Variants in YWHAE observed in about 807,000 individuals in gnomAD.
The protein encoded by YWHAE is 14-3-3 protein epsilon.
A neutral mutation model predicts 30.1 loss-of-function variants in YWHAE; 4 were observed. The observed-to-expected ratio is 0.13, with a 90% confidence interval of 0.07 to 0.30. The LOEUF (loss-of-function observed/expected upper bound fraction) is 0.30, where lower values mean the gene tolerates loss of function less well. Ranked by LOEUF, YWHAE falls within the 10% of genes least tolerant of loss-of-function variation. YWHAE has a pLI of 1.00. For synonymous variants in YWHAE, 118 were observed against 111.8 expected (o/e 1.06, Z -0.35); for missense variants, 121 against 315.9 (o/e 0.38, Z 4.68).
At chr17:1,368,204 T>C (rs2072975457) in intron 1 of YWHAE, among the ~76,000 whole-genome samples, 1 of 151,916 alleles carries the variant, frequency 6.6e-6, no homozygotes, top group African/African-American at 2.4e-5. Context: ...CTGACCAGCA[T>C]GGAGAAACTA....
Position 1,345,326 on chromosome 17 carries a change from A to G in YWHAE, c.*121T>C, listed in dbSNP as rs1006984528. The G allele has an allele frequency of 9.5e-6, 10 of 1,051,696 alleles. No individual in the cohort carries two copies. The highest frequency in any genetic ancestry group is 6.7e-5 in the Admixed American group (3 of 44,722). The allele number at this position is 1,051,696 out of a possible 1,614,324, so 65.1% of individuals were successfully genotyped here. The stretch of plus-strand genomic sequence containing the variant: ...AAAAAAACCAACAGGGCAGGAACCT[A>G]AATTCTGAGACCAAATGTAAAAGTC... On this transcript the variant is annotated 3_prime_UTR_variant, in exon 6 of 6. Transcript: ENST00000264335.
intron 1 of YWHAE, among the ~76,000 whole-genome samples, chr17:1,393,390 T>C (rs2073418259): frequency 1.3e-5 from 2 of 151,858 alleles, no homozygotes; most frequent in African/African-American, 2.4e-5. Flanking sequence ...CAGAAATGCA[T>C]AGCATCAGCC....
At chr17:1,387,803 T>TA (rs2150873706) in intron 1 of YWHAE, among the ~76,000 whole-genome samples, 1 of 147,550 alleles carries the variant, frequency 6.8e-6, no homozygotes, top group East Asian at 1.9e-4. Flanking sequence ...TTTGTATATT[T>TA]AGTAGAGACG....
At chr17:1,356,989 G>A (rs1042772187) in intron 4 of YWHAE, among the ~76,000 whole-genome samples, 9 of 151,996 alleles carry the variant, frequency 5.9e-5, no homozygotes, top group African/African-American at 2.2e-4. Context: ...ACCAAAAGGG[G>A]CCGGGCGCGG....
chr17:1,361,333 AT>A (rs780443670), intron 3 of YWHAE, 35 bp from the exon 4 acceptor site: 56 of 1,236,168 alleles, frequency 4.5e-5, no homozygotes, highest in Admixed American at 1.9e-4. Flanking sequence ...AAAAAAAAAA[AT>A]TTAAACTAGG....
chr17:1,371,536 G>T (rs544878568), intron 1 of YWHAE, among the ~76,000 whole-genome samples: 199 of 152,148 alleles, frequency 1.3e-3, no homozygotes, highest in African/African-American at 4.6e-3. Flanking sequence ...TATAAACCAG[G>T]CAGAGTAAAT....
rs202084215 is a variant in YWHAE at position 1,361,318 on chromosome 17, A to T, written c.372-20T>A. 101 of 145,010 alleles carry T rather than the reference A, an allele frequency of 7.0e-4. No individual in the cohort carries two copies. The highest frequency in any genetic ancestry group is 2.3e-3 in the South Asian group (9 of 3,934). 9.0% of individuals were successfully genotyped at this position (145,010 alleles called of 1,614,324 possible). On this transcript the variant is annotated intron_variant, in intron 3 of 5. Coordinates refer to ENST00000264335, the MANE Select transcript of YWHAE (RefSeq NM_006761.5). The stretch of plus-strand genomic sequence containing the variant: ...CCTTTCCTAAAACAAAACCAAAATT[A>T]AAAAAAAAAAAAAAATTTAAACTAG...
At chr17:1,353,763 CAA>C (rs201551828) in intron 5 of YWHAE, among the ~76,000 whole-genome samples, 106,322 of 144,364 alleles carry the variant, frequency 0.74, 39,559 homozygotes, top group African/African-American at 0.91. Context: ...GACTCCGTCT[CAA>C]AAAAAAAAAA....
At chr17:1,381,344 G>A (rs1273786218) in intron 1 of YWHAE, among the ~76,000 whole-genome samples, 1 of 151,878 alleles carries the variant, frequency 6.6e-6, no homozygotes, top group Non-Finnish European at 1.5e-5. Flanking sequence ...GAGAAACCCC[G>A]ACTCTACTAA....
chr17:1,349,189 A>G (rs2150836709), intron 5 of YWHAE, among the ~76,000 whole-genome samples: 1 of 151,948 alleles, frequency 6.6e-6, no homozygotes, highest in African/African-American at 2.4e-5. Flanking sequence ...GAAAATACGA[A>G]TTATTGCCAG....
chr17:1,374,159 A>G (rs2150862510), intron 1 of YWHAE, among the ~76,000 whole-genome samples: 1 of 151,860 alleles, frequency 6.6e-6, no homozygotes, highest in South Asian at 2.1e-4. Flanking sequence ...CTAAAAATAC[A>G]AAAATTAGGC....
intron 1 of YWHAE, among the ~76,000 whole-genome samples, chr17:1,384,612 G>A (rs1227199343): frequency 6.6e-6 from 1 of 151,872 alleles, no homozygotes; most frequent in African/African-American, 2.4e-5. Flanking sequence ...ATAATGGAGT[G>A]TATTTTGTAT....
chr17:1,355,984 C>G (rs2072733999), intron 4 of YWHAE, among the ~76,000 whole-genome samples: 2 of 152,038 alleles, frequency 1.3e-5, no homozygotes, highest in African/African-American at 4.8e-5. Flanking sequence ...CTGGCTAACA[C>G]AGTGAAACCC....
chr17:1,398,538 C>A (rs2073511458), intron 1 of YWHAE, among the ~76,000 whole-genome samples: 1 of 152,050 alleles, frequency 6.6e-6, no homozygotes, highest in Non-Finnish European at 1.5e-5. Context: ...AAAGCAAGGG[C>A]CCTAACATTT....
intron 5 of YWHAE, among the ~76,000 whole-genome samples, chr17:1,348,470 GTC>G (rs1245175259): frequency 6.6e-6 from 1 of 152,074 alleles, no homozygotes; most frequent in Admixed American, 6.6e-5. Context: ...CATAAATACC[GTC>G]TCTTTAAAAA....
intron 1 of YWHAE, among the ~76,000 whole-genome samples, chr17:1,378,263 T>C (rs2073153123): frequency 6.6e-6 from 1 of 152,258 alleles, no homozygotes; most frequent in Non-Finnish European, 1.5e-5. Context: ...AGGACATTTC[T>C]GCAGAAGGCT....
At chr17:1,347,851 T>C in intron 5 of YWHAE, 4 of 617,778 alleles carry the variant, frequency 6.5e-6, no homozygotes, top group Non-Finnish European at 8.2e-6. Flanking sequence ...GTCAGCGCCC[T>C]GGAAGGTGGA....
At chr17:1,352,571 T>A (rs2072653249) in intron 5 of YWHAE, among the ~76,000 whole-genome samples, 1 of 151,896 alleles carries the variant, frequency 6.6e-6, no homozygotes, top group Non-Finnish European at 1.5e-5. Flanking sequence ...GTAGCCCAGG[T>A]TGGAGTGCAA....
chr17:1,383,927 T>C (rs2073258215), intron 1 of YWHAE, among the ~76,000 whole-genome samples: 1 of 151,966 alleles, frequency 6.6e-6, no homozygotes, highest in Admixed American at 6.6e-5. Flanking sequence ...CGAAGAGGGC[T>C]GGGCACAGTG....
Sources: gnomAD v4.1 joint callset for allele counts (sites outside exome capture counted in the v4.1 genomes callset) on GRCh38, gnomAD v4.1.1 for gene constraint, MANE v1.5 for transcripts, NCBI Gene and HGNC (gene_info 2026-07-23, HGNC 2026-07-21) for gene names.